CACNA2D3: variants seen among roughly 807,000 people sequenced by gnomAD.
CACNA2D3 encodes the protein calcium voltage-gated channel auxiliary subunit alpha2delta 3, also known as voltage-dependent calcium channel subunit alpha-2/delta-3.
In CACNA2D3, 60 loss-of-function variants were observed where a neutral mutation model predicts 160.6. That is an observed-to-expected ratio of 0.37 (90% confidence interval 0.30 to 0.46). The LOEUF is 0.46. CACNA2D3 is among the 20% of genes least tolerant of loss of function. The probability of loss-of-function intolerance (pLI) is 1.00; values close to 1 mark genes in which losing one functional copy is unlikely to be tolerated. For synonymous variants in CACNA2D3, 558 were observed against 492.9 expected (o/e 1.13, Z -1.75); for missense variants, 1,205 against 1,365.0 (o/e 0.88, Z 1.85).
rs5008699 is a variant in CACNA2D3 at position 55,033,841 on chromosome 3, A to G, written c.2987+15524A>G. On this transcript the variant is annotated intron_variant, in intron 35 of 37. Transcript: ENST00000474759. ...ATTAAATATATTTAATATATAATAT[A>G]TATTACATATTAAATATATTTAATA... 4.8e-3 allele frequency among the ~76,000 whole-genome samples: 335 copies of G among 69,564 alleles called. 10 individuals carry two copies. Among genetic ancestry groups the G allele is most frequent in the African/African-American group, 7.3e-3 (112 of 15,252 alleles). The allele number at this position is 69,564 out of a possible 152,430, so 45.6% of individuals were successfully genotyped here.
intron 13 of CACNA2D3, among the ~76,000 whole-genome samples, chr3:54,790,403 G>C (rs1275437711): frequency 6.6e-6 from 1 of 152,180 alleles, no homozygotes; most frequent in African/African-American, 2.4e-5. Context: ...CATGTGAAAA[G>C]GAAAAGGTTC....
intron 35 of CACNA2D3, among the ~76,000 whole-genome samples, chr3:55,062,500 G>A (rs774129222): frequency 6.6e-6 from 1 of 152,100 alleles, no homozygotes; most frequent in African/African-American, 2.4e-5. Context: ...AGTCTAGTAG[G>A]AAACAAAATT....
intron 17 of CACNA2D3, among the ~76,000 whole-genome samples, chr3:54,864,786 T>TA (rs1699364166): frequency 2.0e-5 from 3 of 152,100 alleles, no homozygotes; most frequent in African/African-American, 7.2e-5. Flanking sequence ...GCACCTCAGG[T>TA]GAGGCAGTGC....
intron 13 of CACNA2D3, among the ~76,000 whole-genome samples, chr3:54,815,917 T>C (rs964499144): frequency 1.3e-5 from 2 of 152,196 alleles, no homozygotes; most frequent in Non-Finnish European, 2.9e-5. Context: ...ATCATGTTAA[T>C]TCCATTCCAG....
At chr3:54,820,520 TG>T (rs1703567703) in intron 14 of CACNA2D3, among the ~76,000 whole-genome samples, 1 of 152,218 alleles carries the variant, frequency 6.6e-6, no homozygotes, top group African/African-American at 2.4e-5. Context: ...GATATAAAAT[TG>T]GAGTGGCACT....
chr3:54,167,337 A>G (rs1332696535), intron 2 of CACNA2D3, among the ~76,000 whole-genome samples: 1 of 152,128 alleles, frequency 6.6e-6, no homozygotes, highest in Non-Finnish European at 1.5e-5. Context: ...CACTGATTGG[A>G]CCTGATACCC....
intron 4 of CACNA2D3, among the ~76,000 whole-genome samples, chr3:54,477,352 T>C (rs1464519835): frequency 6.6e-6 from 1 of 152,066 alleles, no homozygotes; most frequent in Non-Finnish European, 1.5e-5. Context: ...AAGCCATGCA[T>C]TGCGAATCTA....
At chr3:54,858,117 A>G (rs1277663136) in intron 17 of CACNA2D3, among the ~76,000 whole-genome samples, 1 of 151,684 alleles carries the variant, frequency 6.6e-6, no homozygotes, top group Non-Finnish European at 1.5e-5. Context: ...AATTAGCAAT[A>G]AAAACCTCAT....
intron 9 of CACNA2D3, among the ~76,000 whole-genome samples, chr3:54,624,648 T>C (rs1699057774): frequency 6.6e-6 from 1 of 152,044 alleles, no homozygotes; most frequent in Non-Finnish European, 1.5e-5. Flanking sequence ...AAAAAAATGC[T>C]GTGTTAACAT....
At chr3:54,169,291 C>T (rs1161964289) in intron 2 of CACNA2D3, among the ~76,000 whole-genome samples, 1 of 152,166 alleles carries the variant, frequency 6.6e-6, no homozygotes, top group Non-Finnish European at 1.5e-5. Flanking sequence ...ATGCCTACCA[C>T]AGGGCTGTGG....
At chr3:54,722,820 G>T (rs537634315) in intron 11 of CACNA2D3, among the ~76,000 whole-genome samples, 6 of 152,282 alleles carry the variant, frequency 3.9e-5, no homozygotes, top group Admixed American at 3.9e-4. Flanking sequence ...CCTGTATGAG[G>T]TGTCTGTCAG....
chr3:54,810,238 G>A (rs1266458692), intron 13 of CACNA2D3, among the ~76,000 whole-genome samples: 2 of 152,278 alleles, frequency 1.3e-5, no homozygotes, highest in African/African-American at 4.8e-5. Context: ...GATCATTCTG[G>A]GTGCCATGTA....
intron 4 of CACNA2D3, among the ~76,000 whole-genome samples, chr3:54,498,291 T>G (rs1006903520): frequency 6.6e-6 from 1 of 151,938 alleles, no homozygotes; most frequent in African/African-American, 2.4e-5. Context: ...ATATTTTGTA[T>G]TTCTTCTTGT....
intron 2 of CACNA2D3, among the ~76,000 whole-genome samples, chr3:54,214,751 A>G (rs189454021): frequency 2.0e-5 from 3 of 152,302 alleles, no homozygotes; most frequent in Admixed American, 6.5e-5. Flanking sequence ...AGAGGTGACA[A>G]CGCCAGACCA....
chr3:54,717,526 GGTGTGTGTGTGGTGTGCATGTGTGGTGT>G (rs1453389310), intron 11 of CACNA2D3, among the ~76,000 whole-genome samples: 3 of 150,140 alleles, frequency 2.0e-5, no homozygotes, highest in Middle Eastern at 3.4e-3. Context: ...GTGTGTGTGT[GGTGTGTGTGTGGTGTGCATGTGTGGTGT>G]GTGTGTGTGT....
chr3:54,490,241 A>C (rs764803256), intron 4 of CACNA2D3, among the ~76,000 whole-genome samples: 7 of 152,218 alleles, frequency 4.6e-5, no homozygotes, highest in Non-Finnish European at 1.0e-4. Context: ...ATTCGATCAC[A>C]GAAAGACCTG....
chr3:54,593,283 C>T (rs754929784), intron 9 of CACNA2D3, among the ~76,000 whole-genome samples: 7 of 151,964 alleles, frequency 4.6e-5, no homozygotes, highest in African/African-American at 1.7e-4. Context: ...ATATATATTA[C>T]CACAAAAGAG....
intron 16 of CACNA2D3, among the ~76,000 whole-genome samples, chr3:54,844,927 C>T (rs1333053161): frequency 6.6e-6 from 1 of 152,116 alleles, no homozygotes; most frequent in Non-Finnish European, 1.5e-5. Flanking sequence ...ATGGAAAAAG[C>T]CAAACTCTCA....
chr3:54,948,074 A>G (rs996486672), intron 27 of CACNA2D3, among the ~76,000 whole-genome samples: 1 of 152,160 alleles, frequency 6.6e-6, no homozygotes, highest in Non-Finnish European at 1.5e-5. Flanking sequence ...GGAGATGGTG[A>G]TGTCCAGGTG....
Sources: gnomAD v4.1 joint callset for allele counts (sites outside exome capture counted in the v4.1 genomes callset) on GRCh38, gnomAD v4.1.1 for gene constraint, MANE v1.5 for transcripts, NCBI Gene and HGNC (gene_info 2026-07-23, HGNC 2026-07-21) for gene names.